PCDH11X: variants seen among roughly 807,000 people sequenced by gnomAD.
PCDH11X encodes protocadherin 11 X-linked, also known as protocadherin-11 X-linked.
A neutral mutation model predicts 53.3 loss-of-function variants in PCDH11X; 18 were observed. The observed-to-expected ratio is 0.34, with a 90% CI of 0.23 to 0.50. The LOEUF (loss-of-function observed/expected upper bound fraction) is 0.50, where lower values mean the gene tolerates loss of function less well. Ranked by LOEUF, PCDH11X falls within the 20% of genes least tolerant of loss-of-function variation. The pLI, the probability that PCDH11X is intolerant of heterozygous loss-of-function variation, is 0.98. For missense variants in PCDH11X, 570 were observed against 1,032.4 expected (o/e 0.55, Z 6.14); for synonymous variants, 279 against 393.3 (o/e 0.71, Z 3.44).
chrX:92,105,285 C>G (rs2064353959), intron 6 of PCDH11X, among the ~76,000 whole-genome samples: 1 of 111,106 alleles, frequency 9.0e-6, no homozygotes, highest in Non-Finnish European at 1.9e-5. Flanking sequence ...TAAAAATAGG[C>G]CTCTTACCGG....
chrX:91,809,037 C>T (rs1246169101), intron 1 of PCDH11X, among the ~76,000 whole-genome samples: 1 of 104,702 alleles, frequency 9.6e-6, no homozygotes, highest in Admixed American at 1.0e-4. Context: ...CTTATAAAAT[C>T]TCAGATTAAA....
chrX:92,358,879 G>A (rs1158346892), intron 8 of PCDH11X, among the ~76,000 whole-genome samples: 1 of 109,771 alleles, frequency 9.1e-6, no homozygotes, highest in Non-Finnish European at 1.9e-5. Context: ...TTCTATTTCA[G>A]GCTATATAAT....
chrX:92,111,696 ATAGT>A (rs2064516576), intron 6 of PCDH11X, among the ~76,000 whole-genome samples: 1 of 111,116 alleles, frequency 9.0e-6, no homozygotes, highest in Non-Finnish European at 1.9e-5. Context: ...CCCAAGTCAC[ATAGT>A]TAGTGACAGA....
chrX:92,318,850 G>A (rs1406245469), intron 8 of PCDH11X, among the ~76,000 whole-genome samples: 1 of 111,480 alleles, frequency 9.0e-6, no homozygotes, highest in Non-Finnish European at 1.9e-5. Flanking sequence ...GGACTGGGAA[G>A]CTGTTAACAT....
rs759150007 is a variant in PCDH11X, at chrX:91,838,776, C to T, written c.540+2732C>T. On this transcript the variant is annotated intron_variant, in intron 5 of 10. Transcript: ENST00000682573. ...GAATAGACAAGAATAGAAAAATCAC[C>T]ATTTATCCTAACTAGGCTAATATAA... is the stretch of plus-strand genomic sequence containing the variant. Among the ~76,000 whole-genome samples the T allele has an allele frequency of 2.5e-3, 259 of 105,412 alleles. 1 individual carries two copies. The highest frequency in any genetic ancestry group is 8.6e-3 in the African/African-American group (248 of 28,744). The allele number at this position is 105,412 out of a possible 115,157, so 91.5% of individuals were successfully genotyped here.
intron 10 of PCDH11X, among the ~76,000 whole-genome samples, chrX:92,532,936 C>A (rs2074585388): frequency 9.0e-6 from 1 of 110,634 alleles, no homozygotes; most frequent in African/African-American, 3.3e-5. Flanking sequence ...GCCATCAGGT[C>A]TCATGAGACC....
intron 6 of PCDH11X, among the ~76,000 whole-genome samples, chrX:91,949,995 G>A (rs1241971718): frequency 9.1e-6 from 1 of 109,598 alleles, no homozygotes; most frequent in Non-Finnish European, 1.9e-5. Context: ...AAATACAGTA[G>A]ACAATGACAC....
chrX:92,618,131 T>C, intron 10 of PCDH11X, 133 bp from the exon 11 acceptor site: 3 of 840,875 alleles, frequency 3.6e-6, no homozygotes, highest in South Asian at 2.6e-5. Flanking sequence ...AAATACCAAC[T>C]CTATAAATAA....
intron 9 of PCDH11X, among the ~76,000 whole-genome samples, chrX:92,451,587 G>A (rs1263666972): frequency 9.0e-6 from 1 of 110,899 alleles, no homozygotes; most frequent in Non-Finnish European, 1.9e-5. Flanking sequence ...GATTATTTCC[G>A]TTACAGGGTA....
chrX:92,177,481 C>T (rs1332407133), intron 6 of PCDH11X, among the ~76,000 whole-genome samples: 2 of 111,915 alleles, frequency 1.8e-5, no homozygotes, highest in Non-Finnish European at 3.8e-5. Context: ...CTAACACTCT[C>T]ATCCTTGAGA....
chrX:91,882,441 A>G (rs1939956180), intron 6 of PCDH11X, among the ~76,000 whole-genome samples: 3 of 110,750 alleles, frequency 2.7e-5, no homozygotes, highest in African/African-American at 9.9e-5. Context: ...AATACAATTC[A>G]CCCATTAAAT....
intron 4 of PCDH11X, among the ~76,000 whole-genome samples, chrX:91,828,372 G>A (rs1471724011): frequency 2.7e-5 from 3 of 110,461 alleles, no homozygotes; most frequent in African/African-American, 9.9e-5. Flanking sequence ...CGCCCGCTTC[G>A]GCCAAAAGGC....
At chrX:92,052,645 T>C (rs1455721202) in intron 6 of PCDH11X, among the ~76,000 whole-genome samples, 3 of 71,687 alleles carry the variant, frequency 4.2e-5, no homozygotes, top group African/African-American at 1.6e-4. Context: ...AACATCCTAA[T>C]TAATCTGGTA....
At chrX:92,159,267 T>A (rs952394654) in intron 6 of PCDH11X, among the ~76,000 whole-genome samples, 33 of 110,354 alleles carry the variant, frequency 3.0e-4, no homozygotes, top group African/African-American at 1.1e-3. Flanking sequence ...TATTTTCAGA[T>A]GTGGATGTAG....
rs762403978 is a variant in PCDH11X, at chrX:92,305,581, A to G, written c.3144+42438A>G. ...CCTTAATTACCTTCCTAAAGGCCCTATTTGCAAGTCACATTGGGGGTTGGG... is the reference window on the plus strand; with the variant it reads ...CCTTAATTACCTTCCTAAAGGCCCTGTTTGCAAGTCACATTGGGGGTTGGG... On this transcript the variant is annotated intron_variant, in intron 8 of 10. Coordinates refer to ENST00000682573, the MANE Select transcript of PCDH11X (RefSeq NM_032968.5). 2.7e-3 allele frequency among the ~76,000 whole-genome samples: 297 copies of G among 109,735 alleles called. 1 individual carries two copies. The highest frequency in any genetic ancestry group is 9.3e-3 in the African/African-American group (281 of 30,109).
At chrX:91,814,884 T>A (rs1936405902) in intron 4 of PCDH11X, among the ~76,000 whole-genome samples, 1 of 106,709 alleles carries the variant, frequency 9.4e-6, no homozygotes, top group Non-Finnish European at 1.9e-5. Context: ...ATTAGACTTG[T>A]CTTTGTGAGT....
At chrX:92,510,372 A>G (rs1413170320) in intron 10 of PCDH11X, among the ~76,000 whole-genome samples, 4 of 105,240 alleles carry the variant, frequency 3.8e-5, no homozygotes, top group African/African-American at 1.4e-4. Flanking sequence ...TAAAAAAGTT[A>G]AATAAAAGAG....
At chrX:92,101,583 C>G (rs747924220) in intron 6 of PCDH11X, among the ~76,000 whole-genome samples, 1 of 111,321 alleles carries the variant, frequency 9.0e-6, no homozygotes, top group South Asian at 3.8e-4. Context: ...TGTTATCAGA[C>G]TGTATTGAGG....
intron 9 of PCDH11X, among the ~76,000 whole-genome samples, chrX:92,422,151 T>C (rs992713771): frequency 1.9e-5 from 2 of 108,064 alleles, no homozygotes; most frequent in Non-Finnish European, 3.8e-5. Context: ...TTTTTTTTTT[T>C]TAAATTTTAT....
Sources: gnomAD v4.1 joint callset for allele counts (sites outside exome capture counted in the v4.1 genomes callset) on GRCh38, gnomAD v4.1.1 for gene constraint, MANE v1.5 for transcripts, NCBI Gene and HGNC (gene_info 2026-07-23, HGNC 2026-07-21) for gene names.